The following ANGPT4 variants were observed in gnomAD, a reference collection of about 807,000 sequenced individuals.
ANGPT4 encodes the protein angiopoietin-4.
In ANGPT4, 50 loss-of-function variants were observed where a neutral mutation model predicts 53.0. That is an observed-to-expected ratio of 0.94 (90% CI 0.75 to 1.20). The LOEUF (loss-of-function observed/expected upper bound fraction) is 1.20, where lower values mean the gene tolerates loss of function less well. ANGPT4 is among the 50% of genes most tolerant of loss of function. The pLI, the probability that ANGPT4 is intolerant of heterozygous loss-of-function variation, is 0.00. For synonymous variants in ANGPT4, 251 were observed against 259.7 expected (o/e 0.97, Z 0.32); for missense variants, 648 against 637.1 (o/e 1.02, Z -0.18).
At chr20:880,966 G>T (rs1191952347) in intron 5 of ANGPT4, among the ~76,000 whole-genome samples, 1 of 152,210 alleles carries the variant, frequency 6.6e-6, no homozygotes, top group Non-Finnish European at 1.5e-5. Context: ...AAGTGATGCT[G>T]GTTAAGGATG....
At chr20:879,913 A>G in intron 5 of ANGPT4, 65 bp from the exon 6 acceptor site, 1 of 1,263,736 alleles carries the variant, frequency 7.9e-7, no homozygotes, top group South Asian at 1.4e-5. Flanking sequence ...GGCCTGTGCT[A>G]GCCCAAATGT....
chr20:876,210 G>A (rs1981167273), intron 7 of ANGPT4, among the ~76,000 whole-genome samples: 1 of 151,786 alleles, frequency 6.6e-6, no homozygotes, highest in Non-Finnish European at 1.5e-5. Flanking sequence ...GATGTGGCCA[G>A]GGCAGCTCAA....
At chr20:904,874 C>T (rs557991442) in intron 1 of ANGPT4, among the ~76,000 whole-genome samples, 8 of 152,278 alleles carry the variant, frequency 5.3e-5, no homozygotes, top group African/African-American at 1.4e-4. Context: ...TCGAGTGATC[C>T]TCCCACCTCA....
intron 2 of ANGPT4, among the ~76,000 whole-genome samples, chr20:889,378 C>T (rs1981748361): frequency 1.3e-5 from 2 of 152,228 alleles, no homozygotes; most frequent in African/African-American, 4.8e-5. Flanking sequence ...TAGCCGCCTG[C>T]ATACCTAGGC....
intron 6 of ANGPT4, among the ~76,000 whole-genome samples, chr20:878,694 A>C (rs1202930255): frequency 1.3e-5 from 2 of 152,236 alleles, no homozygotes; most frequent in Non-Finnish European, 2.9e-5. Flanking sequence ...AATGGTGGTC[A>C]CGTGGTTAAA....
intron 1 of ANGPT4, among the ~76,000 whole-genome samples, chr20:894,729 C>T (rs1476453927): frequency 5.3e-5 from 8 of 152,214 alleles, no homozygotes; most frequent in Non-Finnish European, 7.3e-5. Flanking sequence ...CTTTCCCAGG[C>T]ATCTTCCCCA....
chr20:887,473 C>T (rs1472316155), intron 3 of ANGPT4, among the ~76,000 whole-genome samples: 1 of 152,204 alleles, frequency 6.6e-6, no homozygotes, highest in East Asian at 1.9e-4. Context: ...ATGTGAACAA[C>T]AACATCTTGC....
intron 4 of ANGPT4, among the ~76,000 whole-genome samples, chr20:883,932 C>A (rs1280504947): frequency 2.6e-5 from 4 of 152,236 alleles, no homozygotes; most frequent in Admixed American, 6.5e-5. Flanking sequence ...AGGCCTCAAA[C>A]CCCTACTCAG....
intron 1 of ANGPT4, among the ~76,000 whole-genome samples, chr20:899,083 C>A (rs779256131): frequency 1.3e-5 from 2 of 152,174 alleles, no homozygotes; most frequent in African/African-American, 2.4e-5. Flanking sequence ...GTAACTCTTA[C>A]AGTGGAGGGT....
intron 1 of ANGPT4, among the ~76,000 whole-genome samples, chr20:910,120 G>A (rs563628925): frequency 9.2e-5 from 14 of 152,180 alleles, no homozygotes; most frequent in Non-Finnish European, 1.8e-4. Context: ...AATAGGTTCC[G>A]GCATCAGATG....
At chr20:910,325 C>T (rs1982649030) in intron 1 of ANGPT4, among the ~76,000 whole-genome samples, 1 of 152,184 alleles carries the variant, frequency 6.6e-6, no homozygotes, top group Non-Finnish European at 1.5e-5. Flanking sequence ...TGAGTGCTTA[C>T]TCATTACGTC....
rs1982682318 is a variant in ANGPT4, at chr20:911,211, T to C, written c.309+4695A>G. On this transcript the variant is annotated intron_variant, in intron 1 of 8. Coordinates refer to ENST00000381922, the MANE Select transcript of ANGPT4 (RefSeq NM_015985.4). The surrounding 1 kb of genome is among the most constrained non-coding windows in gnomAD (Gnocchi z 4.9). ...GGTGCTCTCTTGACCCACACCCAGT[T>C]AGGCAGGGCCTCACAACTGCCAGGC... is the stretch of plus-strand genomic sequence containing the variant. Among the ~76,000 whole-genome samples, 1 of 151,462 alleles carries C rather than the reference T, an allele frequency of 6.6e-6. No homozygotes were observed. Among genetic ancestry groups the C allele is most frequent in the African/African-American group, 2.4e-5 (1 of 41,190 alleles).
At position 878,166 on chromosome 20, in the gene ANGPT4, T is replaced by G; in HGVS notation, c.1215A>C (p.Leu405=). The part of the protein sequence containing the change: ...EHFHLGSENQ[L]YRLSVVGYSG... The stretch of plus-strand genomic sequence containing the variant: ...GGCCTGGGCCCCGAACCCACCTGTA[T>G]AGCTGGTTCTCACTGCCCAGGTGGA... The change falls in exon 7 of 9, where the codon CTA becomes CTC. Residue 405 remains leucine (L), a synonymous_variant. Coordinates refer to ENST00000381922, the MANE Select transcript of ANGPT4 (RefSeq NM_015985.4). 1 of 1,595,992 alleles carries G rather than the reference T, an allele frequency of 6.3e-7. No homozygotes were observed. Among genetic ancestry groups the G allele is most frequent in the Non-Finnish European group, 8.6e-7 (1 of 1,165,342 alleles).
chr20:892,331 C>T (rs903653592), intron 1 of ANGPT4, among the ~76,000 whole-genome samples: 5 of 152,172 alleles, frequency 3.3e-5, no homozygotes, highest in Admixed American at 6.5e-5. Context: ...TGCGGTGGCT[C>T]ACACCTATAA....
At position 911,342 on chromosome 20, in the gene ANGPT4, T is replaced by A. The variant is rs888924849; in HGVS notation, c.309+4564A>T. ...GCCCCTGCCCAGCCCCTGACCCCTCTCTGCTTGGCTTTGGGTGCAGAGGAG... is the reference window on the plus strand; with the variant it reads ...GCCCCTGCCCAGCCCCTGACCCCTCACTGCTTGGCTTTGGGTGCAGAGGAG... On this transcript the variant is annotated intron_variant, in intron 1 of 8. Coordinates refer to ENST00000381922, the MANE Select transcript of ANGPT4 (RefSeq NM_015985.4). This position sits in a 1 kb window ranked among gnomAD's most constrained non-coding sequence, Gnocchi z 4.9. 6.6e-6 allele frequency among the ~76,000 whole-genome samples: 1 copy of A among 152,174 alleles called. No individual in the cohort carries two copies. Among genetic ancestry groups the A allele is most frequent in the Non-Finnish European group, 1.5e-5 (1 of 68,032 alleles).
intron 7 of ANGPT4, 85 bp downstream of exon 7, chr20:878,076 A>T (rs1457696554): frequency 1.4e-6 from 2 of 1,421,276 alleles, no homozygotes; most frequent in African/African-American, 2.8e-5. Flanking sequence ...GTTGGAGCAG[A>T]CTCTGTAGAC....
At chr20:897,076 AC>A (rs988457375) in intron 1 of ANGPT4, among the ~76,000 whole-genome samples, 4 of 151,758 alleles carry the variant, frequency 2.6e-5, no homozygotes, top group African/African-American at 9.7e-5. Flanking sequence ...CCAGAGAACA[AC>A]CCCCTTTAAC....
chr20:873,318 G>C (rs1981024460), intron 8 of ANGPT4, among the ~76,000 whole-genome samples, 198 bp from the exon 9 acceptor site: 1 of 152,096 alleles, frequency 6.6e-6, no homozygotes, highest in Non-Finnish European at 1.5e-5. Context: ...GGGGCCTCTA[G>C]AGGGCAGCAA....
At chr20:879,698 GC>G in intron 6 of ANGPT4, 48 bp downstream of exon 6, 1 of 1,540,046 alleles carries the variant, frequency 6.5e-7, no homozygotes. Flanking sequence ...CCCAGCCCCA[GC>G]CCCAGGTTTC....
Sources: allele counts gnomAD v4.1 joint callset (sites outside exome capture counted in the v4.1 genomes callset), GRCh38; gene constraint gnomAD v4.1.1; non-coding constraint Gnocchi (gnomAD v3.1); transcripts MANE v1.5; gene names NCBI Gene and HGNC (gene_info 2026-07-23, HGNC 2026-07-21).